KCNQ3: variants seen among roughly 807,000 people sequenced by gnomAD.
KCNQ3 encodes potassium voltage-gated channel subfamily Q member 3.
Under a neutral mutation model 92.5 loss-of-function variants are expected in KCNQ3, and 30 were observed. That is an observed-to-expected ratio of 0.32 (90% confidence interval 0.24 to 0.44). KCNQ3 has a LOEUF of 0.44. Among genes scored for constraint, KCNQ3 ranks in the 20% least tolerant of loss-of-function variants. The pLI is 1.00. For missense variants in KCNQ3, 913 were observed against 1,140.3 expected (o/e 0.80, Z 2.87); for synonymous variants, 450 against 468.8 (o/e 0.96, Z 0.52).
chr8:132,253,129 A>G (rs1053860710), intron 1 of KCNQ3, among the ~76,000 whole-genome samples: 1 of 152,196 alleles, frequency 6.6e-6, no homozygotes. Context: ...GCATATATTT[A>G]TGGAAGGTTT....
chr8:132,172,938 T>C (rs1488362176), intron 6 of KCNQ3, among the ~76,000 whole-genome samples: 6 of 152,216 alleles, frequency 3.9e-5, no homozygotes, highest in Non-Finnish European at 7.3e-5. Flanking sequence ...ACTGCCACTT[T>C]CCAGGTGTGA....
intron 1 of KCNQ3, among the ~76,000 whole-genome samples, chr8:132,299,723 G>A (rs1455661522): frequency 6.6e-6 from 1 of 152,140 alleles, no homozygotes; most frequent in Non-Finnish European, 1.5e-5. Context: ...AATTAGGGAG[G>A]TGCCAGTCTG....
intron 1 of KCNQ3, among the ~76,000 whole-genome samples, chr8:132,423,837 G>C (rs1403968103): frequency 6.6e-6 from 1 of 152,138 alleles, no homozygotes; most frequent in African/African-American, 2.4e-5. Context: ...ACAGTATGGA[G>C]ACCCCAGCAC....
At chr8:132,278,140 C>T (rs1816398767) in intron 1 of KCNQ3, 1 of 985,138 alleles carries the variant, frequency 1.0e-6, no homozygotes, top group African/African-American at 1.7e-5. Context: ...CTAGAGAATC[C>T]CCATTTTGTA....
At chr8:132,448,132 C>G (rs1223024159) in intron 1 of KCNQ3, among the ~76,000 whole-genome samples, 1 of 152,166 alleles carries the variant, frequency 6.6e-6, no homozygotes, top group Admixed American at 6.5e-5. Context: ...TTCCTGGGAG[C>G]TATTCTGCCC....
At chr8:132,251,265 G>GA (rs1332947346) in intron 1 of KCNQ3, among the ~76,000 whole-genome samples, 5 of 150,536 alleles carry the variant, frequency 3.3e-5, no homozygotes, top group East Asian at 1.9e-4. Flanking sequence ...AGACTCTGAA[G>GA]AAAAAAAAAG....
intron 1 of KCNQ3, among the ~76,000 whole-genome samples, chr8:132,416,581 A>G (rs2130804595): frequency 6.6e-6 from 1 of 152,280 alleles, no homozygotes; most frequent in East Asian, 1.9e-4. Context: ...GAGATCGTAC[A>G]ACTGCACTCC....
intron 1 of KCNQ3, among the ~76,000 whole-genome samples, chr8:132,396,858 G>C (rs1820205125): frequency 6.6e-6 from 1 of 152,142 alleles, no homozygotes; most frequent in African/African-American, 2.4e-5. Flanking sequence ...AGCTAGTGAA[G>C]TGGTCCTAAG....
intron 8 of KCNQ3, among the ~76,000 whole-genome samples, chr8:132,170,029 C>T (rs906352046): frequency 1.3e-5 from 2 of 152,008 alleles, no homozygotes; most frequent in African/African-American, 4.8e-5. Context: ...CACACCACCA[C>T]GCCCGGCTAA....
At chr8:132,181,173 T>C (rs1376628829) in intron 3 of KCNQ3, among the ~76,000 whole-genome samples, 1 of 152,146 alleles carries the variant, frequency 6.6e-6, no homozygotes, top group Non-Finnish European at 1.5e-5. Context: ...ATGAGACACT[T>C]CTGAGATGGT....
intron 1 of KCNQ3, among the ~76,000 whole-genome samples, chr8:132,236,337 T>C (rs894399829): frequency 2.0e-5 from 3 of 152,136 alleles, no homozygotes; most frequent in African/African-American, 7.2e-5. Flanking sequence ...CTCCATCAGG[T>C]TATTCTATCC....
chr8:132,161,354 C>A (rs2130067213), intron 9 of KCNQ3, among the ~76,000 whole-genome samples: 1 of 152,276 alleles, frequency 6.6e-6, no homozygotes, highest in East Asian at 1.9e-4. Flanking sequence ...AGGGGCTGGG[C>A]CCGGTGGCTC....
chr8:132,188,708 C>A lies in KCNQ3; in HGVS notation c.387-2527G>T, dbSNP rs537908649. ...TTTAAGGATACAAACATGAATAAAACCTATTCCTCATTATGCAAGGACTCC... is the reference window on the plus strand; with the variant it reads ...TTTAAGGATACAAACATGAATAAAAACTATTCCTCATTATGCAAGGACTCC... On this transcript the variant is annotated intron_variant, in intron 1 of 14. Transcript: ENST00000388996. 2.0e-5 allele frequency among the ~76,000 whole-genome samples: 3 copies of A among 152,282 alleles called. No homozygotes were observed. In the East Asian group the frequency reaches 5.8e-4, roughly 29 times the overall value.
chr8:132,222,603 G>A (rs183055595), intron 1 of KCNQ3, among the ~76,000 whole-genome samples: 20 of 152,184 alleles, frequency 1.3e-4, no homozygotes, highest in Non-Finnish European at 1.5e-4. Context: ...CAATTCAGAG[G>A]CAGGGAGATG....
intron 7 of KCNQ3, among the ~76,000 whole-genome samples, chr8:132,171,965 G>A (rs968421437): frequency 4.0e-5 from 6 of 151,854 alleles, no homozygotes; most frequent in Non-Finnish European, 7.4e-5. Context: ...AGGCCAGCCT[G>A]GGCAACATAG....
intron 1 of KCNQ3, among the ~76,000 whole-genome samples, chr8:132,342,065 A>G (rs1340616437): frequency 1.3e-5 from 2 of 152,060 alleles, no homozygotes; most frequent in Non-Finnish European, 2.9e-5. Flanking sequence ...TGATCCATCA[A>G]TCATTGCCCT....
intron 1 of KCNQ3, among the ~76,000 whole-genome samples, chr8:132,205,441 G>A (rs1429959570): frequency 6.6e-6 from 1 of 152,220 alleles, no homozygotes; most frequent in East Asian, 1.9e-4. Flanking sequence ...GATGCCAAAT[G>A]TCAGGAGGAT....
intron 1 of KCNQ3, among the ~76,000 whole-genome samples, chr8:132,436,836 T>C (rs958174992): frequency 1.4e-4 from 22 of 152,138 alleles, no homozygotes; most frequent in African/African-American, 4.8e-4. Flanking sequence ...CCTCAGAAGG[T>C]AGGGCTGGAA....
At chr8:132,182,058 ACC>A (rs1826799515) in intron 3 of KCNQ3, among the ~76,000 whole-genome samples, 2 of 147,672 alleles carry the variant, frequency 1.4e-5, no homozygotes, top group Admixed American at 6.6e-5. Flanking sequence ...AAAAAAAAAA[ACC>A]ATAAAAAACA....
Sources: allele counts gnomAD v4.1 joint callset (sites outside exome capture counted in the v4.1 genomes callset), GRCh38; gene constraint gnomAD v4.1.1; transcripts MANE v1.5; gene names NCBI Gene and HGNC (gene_info 2026-07-23, HGNC 2026-07-21).